The following NLGN1 variants were observed in gnomAD, a reference collection of about 807,000 sequenced individuals.
The protein encoded by NLGN1 is neuroligin-1.
A neutral mutation model predicts 65.5 loss-of-function variants in NLGN1; 12 were observed. The ratio of observed to expected loss-of-function variants is 0.18; its 90% CI spans 0.12 to 0.30. NLGN1 has a LOEUF of 0.30. Ranked by LOEUF, NLGN1 falls within the 10% of genes least tolerant of loss-of-function variation. The probability of loss-of-function intolerance (pLI) is 1.00; values close to 1 mark genes in which losing one functional copy is unlikely to be tolerated. For missense variants in NLGN1, 750 were observed against 1,007.1 expected (o/e 0.74, Z 3.46); for synonymous variants, 350 against 359.5 (o/e 0.97, Z 0.30).
chr3:174,129,354 A>AACACACACACACACACACAC (rs61122760), intron 4 of NLGN1, among the ~76,000 whole-genome samples: 1 of 116,780 alleles, frequency 8.6e-6, no homozygotes. Context: ...CCCGGTTTAC[A>AACACACACACACACACACAC]ACACACACAC....
chr3:173,881,249 A>C (rs1247913981), intron 4 of NLGN1, among the ~76,000 whole-genome samples: 1 of 147,760 alleles, frequency 6.8e-6, no homozygotes, highest in Admixed American at 6.8e-5. Context: ...TAGGCGCACA[A>C]CACCACCCCT....
chr3:174,170,726 T>C (rs955147278), intron 4 of NLGN1, among the ~76,000 whole-genome samples: 7 of 152,178 alleles, frequency 4.6e-5, no homozygotes, highest in African/African-American at 1.7e-4. Context: ...CCACAATGAA[T>C]ATAATATTCC....
At chr3:174,064,177 TA>T (rs961226474) in intron 4 of NLGN1, among the ~76,000 whole-genome samples, 3 of 148,904 alleles carry the variant, frequency 2.0e-5, no homozygotes, top group South Asian at 2.1e-4. Context: ...ATAGCAACAA[TA>T]AAAAAAAGAA....
chr3:173,841,783 A>C (rs12495739), intron 4 of NLGN1, among the ~76,000 whole-genome samples: 6,707 of 152,270 alleles, frequency 0.044, 156 homozygotes, highest in African/African-American at 0.072. Flanking sequence ...CAAAGGATGA[A>C]ATATGATGAA....
chr3:173,959,183 T>C (rs555818738), intron 4 of NLGN1, among the ~76,000 whole-genome samples: 1 of 152,262 alleles, frequency 6.6e-6, no homozygotes, highest in South Asian at 2.1e-4. Context: ...GATGCCCGGG[T>C]CCACAGTCAC....
At chr3:173,444,530 C>G (rs373667635) in intron 2 of NLGN1, among the ~76,000 whole-genome samples, 1 of 152,114 alleles carries the variant, frequency 6.6e-6, no homozygotes. Context: ...AATTTAAATA[C>G]AAATGTGTGG....
intron 3 of NLGN1, among the ~76,000 whole-genome samples, chr3:173,788,799 T>C (rs1224774734): frequency 4.6e-5 from 5 of 109,090 alleles, no homozygotes; most frequent in Admixed American, 4.3e-4. Context: ...GCCACTACCA[T>C]AATCCAGCCT....
intron 4 of NLGN1, among the ~76,000 whole-genome samples, chr3:174,218,181 A>T (rs1737983444): frequency 6.6e-6 from 1 of 152,072 alleles, no homozygotes; most frequent in Non-Finnish European, 1.5e-5. Context: ...AGAATCTGCC[A>T]CCAGGGGATT....
chr3:173,596,428 G>C (rs559058715), intron 2 of NLGN1, among the ~76,000 whole-genome samples: 2 of 152,286 alleles, frequency 1.3e-5, no homozygotes, highest in Non-Finnish European at 2.9e-5. Context: ...ATTTCTTGAA[G>C]CTTACTGAAT....
At chr3:173,891,597 A>G (rs1735347048) in intron 4 of NLGN1, among the ~76,000 whole-genome samples, 1 of 152,122 alleles carries the variant, frequency 6.6e-6, no homozygotes, top group Non-Finnish European at 1.5e-5. Flanking sequence ...CACAAACCTT[A>G]AACTGTGAGG....
At chr3:174,249,662 G>A (rs371453212) in intron 4 of NLGN1, among the ~76,000 whole-genome samples, 1 of 152,076 alleles carries the variant, frequency 6.6e-6, no homozygotes, top group Non-Finnish European at 1.5e-5. Flanking sequence ...TACCTACTTT[G>A]TAAAAAGTGA....
At chr3:173,652,008 G>T (rs537987593) in intron 3 of NLGN1, among the ~76,000 whole-genome samples, 2 of 152,092 alleles carry the variant, frequency 1.3e-5, no homozygotes, top group East Asian at 1.9e-4. Flanking sequence ...TGGCCAGGCC[G>T]GTTTCAAACT....
rs552530746 is a variant in NLGN1 at position 173,951,996 on chromosome 3, A to G, written c.646+144164A>G. ...AGTACATGTCTATGAACAAAGGCAT[A>G]CTGTTGAGAACATTTAATATTGCAC... is the stretch of plus-strand genomic sequence containing the variant. On this transcript the variant is annotated intron_variant, in intron 4 of 6. Coordinates refer to ENST00000457714, the Ensembl canonical transcript of NLGN1. Among the ~76,000 whole-genome samples the G allele has an allele frequency of 4.2e-4, 64 of 152,340 alleles. 1 individual carries two copies. The South Asian group carries it at 0.013, about 31-fold the overall frequency.
At chr3:173,759,601 C>T (rs1002283278) in intron 3 of NLGN1, among the ~76,000 whole-genome samples, 1 of 151,904 alleles carries the variant, frequency 6.6e-6, no homozygotes, top group Admixed American at 6.6e-5. Context: ...CTATTGGCCA[C>T]GTAGCCATCT....
intron 2 of NLGN1, among the ~76,000 whole-genome samples, chr3:173,597,150 C>T (rs1218587803): frequency 6.6e-6 from 1 of 152,188 alleles, no homozygotes; most frequent in African/African-American, 2.4e-5. Flanking sequence ...GAGCATAGGA[C>T]TTTATTGAAT....
intron 4 of NLGN1, among the ~76,000 whole-genome samples, chr3:173,923,923 C>A (rs1198991411): frequency 6.6e-6 from 1 of 152,022 alleles, no homozygotes; most frequent in South Asian, 2.1e-4. Context: ...AATTGAATGG[C>A]ATTTTTTAGA....
intron 1 of NLGN1, among the ~76,000 whole-genome samples, chr3:173,426,670 T>A (rs1200493580): frequency 6.6e-6 from 1 of 152,102 alleles, no homozygotes; most frequent in African/African-American, 2.4e-5. Flanking sequence ...ATCCCTGGGA[T>A]AAATCTTGCT....
chr3:173,982,365 T>C (rs1400883602), intron 4 of NLGN1, among the ~76,000 whole-genome samples: 2 of 152,070 alleles, frequency 1.3e-5, no homozygotes, highest in African/African-American at 2.4e-5. Flanking sequence ...TTATTACATA[T>C]TTGCTTTTTC....
chr3:174,174,839 A>G lies in NLGN1; in HGVS notation c.647-100476A>G, dbSNP rs530371479. ...GCTGTGTCCCACAGGTGATTTTAGA[A>G]TATTGTGTTTCCATCATCATTTGTT... On this transcript the variant is annotated intron_variant, in intron 4 of 6. Coordinates refer to ENST00000457714, the Ensembl canonical transcript of NLGN1. 2.6e-5 allele frequency among the ~76,000 whole-genome samples: 4 copies of G among 151,984 alleles called. No individual in the cohort carries two copies. The East Asian group carries it at 7.7e-4, about 29-fold the overall frequency.
Sources: allele counts gnomAD v4.1 joint callset (sites outside exome capture counted in the v4.1 genomes callset), GRCh38; gene constraint gnomAD v4.1.1; transcripts MANE v1.5; gene names NCBI Gene and HGNC (gene_info 2026-07-23, HGNC 2026-07-21).